TUSC3: variants seen among roughly 807,000 people sequenced by gnomAD.
TUSC3 encodes the protein tumor suppressor candidate 3, also known as dolichyl-diphosphooligosaccharide--protein glycosyltransferase subunit TUSC3.
A neutral mutation model predicts 44.8 loss-of-function variants in TUSC3; 45 were observed. The ratio of observed to expected loss-of-function variants is 1.00; its 90% confidence interval spans 0.79 to 1.29. The LOEUF (loss-of-function observed/expected upper bound fraction) is 1.29, where lower values mean the gene tolerates loss of function less well. TUSC3 is among the 50% of genes most tolerant of loss of function. The pLI is 0.00. For synonymous variants in TUSC3, 212 were observed against 152.9 expected (o/e 1.39, Z -2.85); for missense variants, 519 against 437.9 (o/e 1.19, Z -1.65).
At chr8:15,631,707 TG>T in intron 2 of TUSC3, among the ~76,000 whole-genome samples, 3 of 143,722 alleles carry the variant, frequency 2.1e-5, no homozygotes, top group Non-Finnish European at 4.6e-5. Flanking sequence ...TGTGTGTGTG[TG>T]TTTTGTTTTG....
chr8:15,535,601 G>A (rs905538242), upstream of TUSC3, among the ~76,000 whole-genome samples: 1 of 152,204 alleles, frequency 6.6e-6, no homozygotes, highest in Non-Finnish European at 1.5e-5. Context: ...GAGTCAGCTA[G>A]TGATGGATGC....
intron 2 of TUSC3, among the ~76,000 whole-genome samples, chr8:15,514,677 A>G (rs1358678776): frequency 6.6e-6 from 1 of 152,192 alleles, no homozygotes; most frequent in Non-Finnish European, 1.5e-5. Context: ...TATCTTTACA[A>G]TTATGTTTTA....
At chr8:15,745,222 G>A (rs1335720434) in intron 8 of TUSC3, among the ~76,000 whole-genome samples, 2 of 151,956 alleles carry the variant, frequency 1.3e-5, no homozygotes, top group Non-Finnish European at 2.9e-5. Context: ...GAATCAACCT[G>A]GGTTGATTTC....
chr8:15,685,664 T>C (rs1171248243), intron 6 of TUSC3, among the ~76,000 whole-genome samples: 19 of 152,128 alleles, frequency 1.2e-4, no homozygotes. Flanking sequence ...CAGTGTACAC[T>C]TGGGGGAAAC....
At chr8:15,831,775 C>A in the TUSC3 span, among the ~76,000 whole-genome samples, 1 of 152,046 alleles carries the variant, frequency 6.6e-6, no homozygotes, top group African/African-American at 2.4e-5. Flanking sequence ...ACAAAATCTA[C>A]AAGAAATGTG....
At chr8:15,784,527 TATAC>T in the TUSC3 span, among the ~76,000 whole-genome samples, 1 of 152,000 alleles carries the variant, frequency 6.6e-6, no homozygotes, top group Non-Finnish European at 1.5e-5. Context: ...CATATATATA[TATAC>T]ATATGTGTGT....
chr8:15,478,679 T>C (rs1473393212), intron 1 of TUSC3, among the ~76,000 whole-genome samples: 1 of 152,176 alleles, frequency 6.6e-6, no homozygotes, highest in Non-Finnish European at 1.5e-5. Context: ...TCCAGGCTAT[T>C]ACAGATGGGT....
intron 4 of TUSC3, among the ~76,000 whole-genome samples, chr8:15,660,760 T>G (rs1326733190): frequency 6.6e-6 from 1 of 151,840 alleles, no homozygotes; most frequent in Non-Finnish European, 1.5e-5. Context: ...TGTTATGCAA[T>G]GTATCATTTA....
At chr8:15,455,486 T>C (rs910921246) in intron 1 of TUSC3, among the ~76,000 whole-genome samples, 2 of 152,020 alleles carry the variant, frequency 1.3e-5, no homozygotes, top group Non-Finnish European at 2.9e-5. Flanking sequence ...TATATATGTG[T>C]ACATACCTAT....
At chr8:15,489,353 C>T (rs372929446) in intron 2 of TUSC3, among the ~76,000 whole-genome samples, 1 of 152,110 alleles carries the variant, frequency 6.6e-6, no homozygotes, top group Non-Finnish European at 1.5e-5. Context: ...GTTGTGGAAA[C>T]CAAGGTTCTT....
At chr8:15,750,713 C>G (rs1182149202) in intron 9 of TUSC3, among the ~76,000 whole-genome samples, 1 of 152,092 alleles carries the variant, frequency 6.6e-6, no homozygotes, top group Non-Finnish European at 1.5e-5. Flanking sequence ...ATACATGCCA[C>G]TTACGTTATT....
chr8:15,770,207 T>C (rs181889623), downstream of TUSC3, among the ~76,000 whole-genome samples: 237 of 152,294 alleles, frequency 1.6e-3, no homozygotes, highest in Middle Eastern at 3.4e-3. Flanking sequence ...GTGGCACATA[T>C]GCACCATGGA....
intron 1 of TUSC3, among the ~76,000 whole-genome samples, chr8:15,418,342 T>C (rs956863653): frequency 6.6e-6 from 1 of 152,158 alleles, no homozygotes; most frequent in Non-Finnish European, 1.5e-5. Flanking sequence ...TTTCCCAACA[T>C]AGATGACGCA....
chr8:15,528,655 C>G (rs1190436913), intron 2 of TUSC3, among the ~76,000 whole-genome samples: 1 of 152,216 alleles, frequency 6.6e-6, no homozygotes, highest in African/African-American at 2.4e-5. Context: ...TAGAACACTT[C>G]TTCACTTGTT....
intron 6 of TUSC3, among the ~76,000 whole-genome samples, chr8:15,727,246 G>T (rs1338472862): frequency 6.6e-6 from 1 of 152,088 alleles, no homozygotes; most frequent in African/African-American, 2.4e-5. Context: ...CCCCATAAAT[G>T]AAAGCTAACT....
At chr8:15,758,517 C>T (rs1812030293) in intron 10 of TUSC3, among the ~76,000 whole-genome samples, 1 of 151,992 alleles carries the variant, frequency 6.6e-6, no homozygotes, top group African/African-American at 2.4e-5. Flanking sequence ...AACACAGGGT[C>T]TAGGCTAACA....
chr8:15,464,501 A>G (rs931892873), intron 1 of TUSC3, among the ~76,000 whole-genome samples: 4 of 152,180 alleles, frequency 2.6e-5, no homozygotes, highest in African/African-American at 7.2e-5. Context: ...GATGCTTTCT[A>G]TCTAGTGATC....
At chr8:15,712,363 C>T (rs1809890473) in intron 6 of TUSC3, among the ~76,000 whole-genome samples, 1 of 151,988 alleles carries the variant, frequency 6.6e-6, no homozygotes, top group Non-Finnish European at 1.5e-5. Context: ...TTCCACTTAA[C>T]CTGCTCTTTT....
downstream of TUSC3, among the ~76,000 whole-genome samples, chr8:15,767,348 A>G (rs971630680): frequency 6.6e-6 from 1 of 151,966 alleles, no homozygotes; most frequent in Non-Finnish European, 1.5e-5. Context: ...GGATACATCT[A>G]TCTATTTCCA....
Sources: gnomAD v4.1 joint callset for allele counts (sites outside exome capture counted in the v4.1 genomes callset) on GRCh38, gnomAD v4.1.1 for gene constraint, MANE v1.5 for transcripts, NCBI Gene and HGNC (gene_info 2026-07-23, HGNC 2026-07-21) for gene names.